RUNX2: variants seen among roughly 807,000 people sequenced by gnomAD.
The protein encoded by RUNX2 is RUNX family transcription factor 2, also known as runt-related transcription factor 2.
RUNX2 carries 10 observed loss-of-function variants against 51.7 expected under a neutral mutation model. That is an observed-to-expected ratio of 0.19 (90% confidence interval 0.12 to 0.33). The LOEUF (loss-of-function observed/expected upper bound fraction) is 0.33. Ranked by LOEUF, RUNX2 falls within the 10% of genes least tolerant of loss-of-function variation. The pLI is 1.00. For synonymous variants in RUNX2, 276 were observed against 273.6 expected (o/e 1.01, Z -0.09); for missense variants, 562 against 691.3 (o/e 0.81, Z 2.10).
intron 2 of RUNX2, 105 bp from the exon 3 acceptor site, chr6:45,422,483 CCGTCT>C: frequency 9.0e-6 from 5 of 557,998 alleles, no homozygotes; most frequent in South Asian, 1.8e-5. Flanking sequence ...CTCTTTCCCC[CCGTCT>C]CGCCTTCACC....
chr6:45,445,982 C>T (rs1015385715), intron 5 of RUNX2, among the ~76,000 whole-genome samples: 1 of 152,024 alleles, frequency 6.6e-6, no homozygotes, highest in Admixed American at 6.6e-5. Context: ...AATGACACAT[C>T]GAGAGGCATT....
chr6:45,368,187 T>C (rs1795473542), intron 2 of RUNX2, among the ~76,000 whole-genome samples: 2 of 152,224 alleles, frequency 1.3e-5, no homozygotes, highest in Non-Finnish European at 2.9e-5. Flanking sequence ...CTGTTTGCCA[T>C]ATTTTACAAA....
At chr6:45,501,496 C>T (rs762608061) in intron 6 of RUNX2, among the ~76,000 whole-genome samples, 43 of 152,282 alleles carry the variant, frequency 2.8e-4, no homozygotes, top group Middle Eastern at 3.4e-3. Context: ...GGAAAGGTCC[C>T]TTCTAATCCT....
chr6:45,383,794 A>AT (rs201028238), intron 2 of RUNX2, among the ~76,000 whole-genome samples: 3,062 of 152,300 alleles, frequency 0.02, 59 homozygotes, highest in South Asian at 0.085. Flanking sequence ...CAGGACCAAA[A>AT]GTTATTTGGT....
At chr6:45,348,549 C>T (rs1286022992) in intron 2 of RUNX2, among the ~76,000 whole-genome samples, 1 of 146,756 alleles carries the variant, frequency 6.8e-6, no homozygotes, top group Non-Finnish European at 1.5e-5. Context: ...GTGGCGCATG[C>T]CTGTAGTCCC....
intron 2 of RUNX2, among the ~76,000 whole-genome samples, chr6:45,356,253 G>T (rs1050533378): frequency 4.0e-5 from 6 of 151,396 alleles, no homozygotes; most frequent in Admixed American, 3.9e-4. Flanking sequence ...GTCCAAAAAA[G>T]ATATATTTGC....
chr6:45,505,491 A>G (rs1200199768), intron 6 of RUNX2, among the ~76,000 whole-genome samples: 1 of 151,376 alleles, frequency 6.6e-6, no homozygotes, highest in Non-Finnish European at 1.5e-5. Context: ...AGAGCTCATG[A>G]CTCTTCTATA....
intron 7 of RUNX2, among the ~76,000 whole-genome samples, chr6:45,528,659 C>A (rs755965077): frequency 1.3e-5 from 2 of 152,098 alleles, no homozygotes; most frequent in Non-Finnish European, 2.9e-5. Flanking sequence ...AAGCATCATG[C>A]ATGCAGGTGT....
chr6:45,390,081 GGTCTTA>G (rs1797438015), intron 2 of RUNX2, among the ~76,000 whole-genome samples: 1 of 152,046 alleles, frequency 6.6e-6, no homozygotes, highest in Non-Finnish European at 1.5e-5. Context: ...AGGCTATGAT[GGTCTTA>G]GTATTATTTA....
Position 45,428,917 on chromosome 6 carries a change from T to C in RUNX2, c.424-2946T>C, listed in dbSNP as rs186678940. On this transcript the variant is annotated intron_variant, in intron 3 of 8. Transcript: ENST00000647337. ...AGTCATCCTGTATCTCTCAACAACA[T>C]CAAAGAACATCTCAGAACATGAAGT... is the stretch of plus-strand genomic sequence containing the variant. Among the ~76,000 whole-genome samples the C allele has an allele frequency of 9.8e-5, 14 of 143,128 alleles. No homozygotes were observed. In the East Asian group the frequency reaches 3.1e-3, roughly 32 times the overall value. The allele number at this position is 143,128 out of a possible 152,430, so 93.9% of individuals were successfully genotyped here.
At chr6:45,441,625 A>T (rs537668112) in intron 5 of RUNX2, among the ~76,000 whole-genome samples, 6 of 152,316 alleles carry the variant, frequency 3.9e-5, no homozygotes, top group African/African-American at 1.2e-4. Flanking sequence ...CCTCTAGGAA[A>T]CAGATAACAT....
chr6:45,380,733 C>T (rs369768725), intron 2 of RUNX2, among the ~76,000 whole-genome samples: 2 of 152,156 alleles, frequency 1.3e-5, no homozygotes, highest in African/African-American at 2.4e-5. Flanking sequence ...TGTGCCACCA[C>T]GCCCGGGTAA....
intron 5 of RUNX2, among the ~76,000 whole-genome samples, chr6:45,471,689 G>A (rs775643732): frequency 2.0e-5 from 3 of 151,924 alleles, no homozygotes; most frequent in East Asian, 1.9e-4. Context: ...CGTCCTCCTC[G>A]GCCTCCCAAA....
chr6:45,429,259 C>T (rs112692947), intron 3 of RUNX2, among the ~76,000 whole-genome samples: 2,149 of 152,228 alleles, frequency 0.014, 46 homozygotes, highest in South Asian at 0.025. Flanking sequence ...AACTTTTCTC[C>T]TGCCTTTATT....
intron 5 of RUNX2, among the ~76,000 whole-genome samples, chr6:45,473,436 A>G (rs1431811843): frequency 6.7e-6 from 1 of 150,312 alleles, no homozygotes; most frequent in Non-Finnish European, 1.5e-5. Context: ...GAAGATGGAC[A>G]CATCTCTCTC....
At chr6:45,495,155 G>A (rs1800610035) in intron 6 of RUNX2, among the ~76,000 whole-genome samples, 1 of 152,174 alleles carries the variant, frequency 6.6e-6, no homozygotes, top group Non-Finnish European at 1.5e-5. Flanking sequence ...TTCTTTTAAG[G>A]ATACTGTGTA....
Position 45,439,324 on chromosome 6 carries a change from G to A in RUNX2, c.685+1273G>A, listed in dbSNP as rs144343409. Among the ~76,000 whole-genome samples the A allele has an allele frequency of 1.8e-3, 273 of 152,342 alleles. No homozygotes were observed. The Middle Eastern group carries it at 0.027, about 15-fold the overall frequency. On this transcript the variant is annotated intron_variant, in intron 5 of 8. Coordinates refer to ENST00000647337, the MANE Select transcript of RUNX2 (RefSeq NM_001024630.4). The stretch of plus-strand genomic sequence containing the variant: ...TTTGGGAATGTCCTGTTAGGTGATT[G>A]CTGTACACATGTGTGTAAGCACCAA...
At chr6:45,513,753 T>A (rs1256689795) in intron 7 of RUNX2, 1 of 152,230 alleles carries the variant, frequency 6.6e-6, no homozygotes, top group East Asian at 1.9e-4. Flanking sequence ...TTTTTACGAA[T>A]CACATAGTAT....
In RUNX2 at chr6:45,441,433, C is replaced by A. The variant is rs562690649; in HGVS notation, c.685+3382C>A. 3.9e-5 allele frequency among the ~76,000 whole-genome samples: 6 copies of A among 152,124 alleles called. No homozygotes were observed. In the South Asian group the frequency reaches 1.2e-3, roughly 31 times the overall value. ...CTTCTCTTTGCCTTGGTTTTCTCAT[C>A]TTTTATGTGAGAATGATAATACCTT... On this transcript the variant is annotated intron_variant, in intron 5 of 8. Transcript: ENST00000647337.
Sources: gnomAD v4.1 joint callset for allele counts (sites outside exome capture counted in the v4.1 genomes callset) on GRCh38, gnomAD v4.1.1 for gene constraint, MANE v1.5 for transcripts, NCBI Gene and HGNC (gene_info 2026-07-23, HGNC 2026-07-21) for gene names.